The following PALS1 variants were observed in gnomAD, a reference collection of about 807,000 sequenced individuals.
PALS1 encodes the protein protein PALS1.
A neutral mutation model predicts 78.9 loss-of-function variants in PALS1; 31 were observed. The observed-to-expected ratio is 0.39, with a 90% CI of 0.30 to 0.53. The LOEUF (loss-of-function observed/expected upper bound fraction) is 0.53, where lower values mean the gene tolerates loss of function less well. PALS1 is among the 20% of genes least tolerant of loss of function. PALS1 has a pLI of 0.67. For synonymous variants in PALS1, 276 were observed against 270.9 expected (o/e 1.02, Z -0.18); for missense variants, 704 against 826.5 (o/e 0.85, Z 1.82).
At chr14:67,321,301 A>ATG (rs2140994619) in intron 13 of PALS1, 42 bp downstream of exon 13, 2 of 1,590,368 alleles carry the variant, frequency 1.3e-6, no homozygotes, top group Non-Finnish European at 1.7e-6. Flanking sequence ...CTTAGAAGGA[A>ATG]TGTCATATAG....
intron 2 of PALS1, among the ~76,000 whole-genome samples, chr14:67,275,378 C>A (rs1458796701): frequency 2.6e-5 from 4 of 152,054 alleles, no homozygotes; most frequent in Non-Finnish European, 5.9e-5. Context: ...TTGAGATAAT[C>A]ATGTGGTTTT....
intron 1 of PALS1, among the ~76,000 whole-genome samples, chr14:67,263,455 TA>T (rs1030958086): frequency 6.6e-6 from 1 of 152,218 alleles, no homozygotes; most frequent in Non-Finnish European, 1.5e-5. Context: ...TTTCATTGTT[TA>T]AAAGAGAATC....
chr14:67,277,641 C>T (rs1397271640), intron 2 of PALS1, among the ~76,000 whole-genome samples: 1 of 151,866 alleles, frequency 6.6e-6, no homozygotes, highest in African/African-American at 2.4e-5. Context: ...TGGGTTTACA[C>T]ATATGTAAAC....
chr14:67,279,665 C>A, intron 3 of PALS1, 128 bp downstream of exon 3: 1 of 953,780 alleles, frequency 1.0e-6, no homozygotes, highest in East Asian at 2.8e-5. Context: ...GACCAAGATC[C>A]TTTGTTTTCG....
chr14:67,303,928 C>G lies in PALS1; in HGVS notation c.1041+329C>G, dbSNP rs373385120. On this transcript the variant is annotated intron_variant, in intron 8 of 14. Transcript: ENST00000261681. ...GATTCCAGGCGCATGCCACCACACC[C>G]AGCTGATTTTTGTATTTTTGGTAGA... 62 of 228,032 alleles carry G rather than the reference C, an allele frequency of 2.7e-4. No homozygotes were observed. In the East Asian group the frequency reaches 6.6e-3, roughly 24 times the overall value. The allele number at this position is 228,032 out of a possible 1,614,324, so 14.1% of individuals were successfully genotyped here.
intron 2 of PALS1, chr14:67,270,347 G>A (rs2084389978): frequency 1.3e-5 from 2 of 152,104 alleles, no homozygotes; most frequent in Admixed American, 6.6e-5. Context: ...AAAGATTTTT[G>A]TATTTGTGTT....
chr14:67,331,494 G>C (rs770708514), intron 14 of PALS1, among the ~76,000 whole-genome samples: 1 of 152,046 alleles, frequency 6.6e-6, no homozygotes, highest in African/African-American at 2.4e-5. Flanking sequence ...CTGAATCTCT[G>C]AATCTGTTCT....
At chr14:67,302,337 A>T in intron 6 of PALS1, 73 bp from the exon 7 acceptor site, 1 of 1,212,920 alleles carries the variant, frequency 8.2e-7, no homozygotes, top group Non-Finnish European at 1.1e-6. Context: ...TGGAAAAAAT[A>T]GAATTTAAAA....
chr14:67,295,104 A>ATGT (rs1555336708), intron 4 of PALS1: 1 of 138,012 alleles, frequency 7.2e-6, no homozygotes, highest in African/African-American at 2.9e-5. Context: ...GAGATATTGA[A>ATGT]GTGTGTGTGT....
intron 8 of PALS1, among the ~76,000 whole-genome samples, chr14:67,305,984 T>C (rs2140912971): frequency 6.6e-6 from 1 of 152,070 alleles, no homozygotes; most frequent in East Asian, 1.9e-4. Flanking sequence ...GCTTTTTCTG[T>C]TCTTTTTACT....
intron 2 of PALS1, among the ~76,000 whole-genome samples, chr14:67,272,281 G>A (rs2084420974): frequency 6.6e-6 from 1 of 151,992 alleles, no homozygotes; most frequent in African/African-American, 2.4e-5. Flanking sequence ...TTAGTTCAAC[G>A]AGCCTTATTT....
chr14:67,290,999 T>C (rs2084763388), intron 3 of PALS1, among the ~76,000 whole-genome samples: 1 of 152,122 alleles, frequency 6.6e-6, no homozygotes, highest in Non-Finnish European at 1.5e-5. Flanking sequence ...TCTAGGTAAA[T>C]ATTTTTTAAT....
At chr14:67,314,627 C>T (rs1215569522) in intron 9 of PALS1, among the ~76,000 whole-genome samples, 1 of 152,140 alleles carries the variant, frequency 6.6e-6, no homozygotes. Context: ...GTCTTCCTAC[C>T]ATGCCGAACT....
At chr14:67,315,906 C>T (rs1022438181) in intron 9 of PALS1, among the ~76,000 whole-genome samples, 6 of 152,240 alleles carry the variant, frequency 3.9e-5, no homozygotes, top group African/African-American at 1.4e-4. Flanking sequence ...GCCTGGGTGA[C>T]AGAGCGAGAC....
intron 8 of PALS1, among the ~76,000 whole-genome samples, chr14:67,308,768 T>C (rs754850195): frequency 2.0e-5 from 3 of 152,088 alleles, no homozygotes; most frequent in Non-Finnish European, 4.4e-5. Flanking sequence ...TAAAAAACAT[T>C]GAACATGTCC....
chr14:67,300,336 C>CTTTTTTT (rs36091817), intron 4 of PALS1, among the ~76,000 whole-genome samples: 1 of 139,084 alleles, frequency 7.2e-6, no homozygotes, highest in African/African-American at 2.8e-5. Flanking sequence ...TATGAATTAC[C>CTTTTTTT]TTTTTTTTTT....
intron 4 of PALS1, among the ~76,000 whole-genome samples, chr14:67,296,149 T>A (rs571143356): frequency 3.3e-5 from 5 of 151,976 alleles, no homozygotes; most frequent in Non-Finnish European, 7.4e-5. Context: ...AGAAGGAAAT[T>A]TAATTTGCTG....
chr14:67,294,514 C>A (rs1159584802), intron 4 of PALS1: 2 of 151,774 alleles, frequency 1.3e-5, no homozygotes, highest in Non-Finnish European at 2.9e-5. Flanking sequence ...GTGAAACATT[C>A]AGAAGTATTC....
intron 8 of PALS1, among the ~76,000 whole-genome samples, chr14:67,309,490 G>A (rs17248567): frequency 0.15 from 23,545 of 152,096 alleles, 3,435 homozygotes; most frequent in East Asian, 0.42. Flanking sequence ...TGGGACTAGA[G>A]AAACTTGTCA....
Sources: allele counts gnomAD v4.1 joint callset (sites outside exome capture counted in the v4.1 genomes callset), GRCh38; gene constraint gnomAD v4.1.1; transcripts MANE v1.5; gene names NCBI Gene and HGNC (gene_info 2026-07-23, HGNC 2026-07-21).